The following PTPN14 variants were observed in gnomAD, a reference collection of about 807,000 sequenced individuals.
PTPN14 encodes the protein tyrosine-protein phosphatase non-receptor type 14.
A neutral mutation model predicts 126.8 loss-of-function variants in PTPN14; 53 were observed. That is an observed-to-expected ratio of 0.42 (90% CI 0.34 to 0.53). The LOEUF is 0.53. Among genes scored for constraint, PTPN14 ranks in the 20% least tolerant of loss-of-function variants. The probability of loss-of-function intolerance (pLI) is 0.08; values close to 1 mark genes in which losing one functional copy is unlikely to be tolerated. For missense variants in PTPN14, 1,257 were observed against 1,552.9 expected (o/e 0.81, Z 3.20); for synonymous variants, 630 against 599.3 (o/e 1.05, Z -0.75).
chr1:214,420,721 T>C (rs1173758315), intron 3 of PTPN14, among the ~76,000 whole-genome samples: 1 of 152,224 alleles, frequency 6.6e-6, no homozygotes, highest in African/African-American at 2.4e-5. Context: ...AAATACACCA[T>C]ACAGGGAGAG....
intron 1 of PTPN14, among the ~76,000 whole-genome samples, chr1:214,494,322 A>G (rs1348021959): frequency 6.6e-6 from 1 of 152,062 alleles, no homozygotes; most frequent in African/African-American, 2.4e-5. Flanking sequence ...TTGGCTTCCC[A>G]AAGTGCTGGG....
chr1:214,533,090 C>T, intron 1 of PTPN14: 3 of 734,874 alleles, frequency 4.1e-6, no homozygotes, highest in East Asian at 2.5e-5. Context: ...ACGGTCCAGT[C>T]CTTGGAGATC....
chr1:214,353,662 T>C lies in PTPN14; in HGVS notation c.*4260A>G, dbSNP rs1657751243. ...AGCAGCTAAAAACTCCAGAGTGATA[T>C]GCCTGATGGCCAATCCGGCTTAAGA... On this transcript the variant is annotated 3_prime_UTR_variant, in exon 19 of 19. Coordinates refer to ENST00000366956, the MANE Select transcript of PTPN14 (RefSeq NM_005401.5). 6.6e-6 allele frequency: 1 copy of C among 152,266 alleles called. No homozygotes were observed. The highest frequency in any genetic ancestry group is 1.5e-5 in the Non-Finnish European group (1 of 68,062). 9.4% of individuals were successfully genotyped at this position (152,266 alleles called of 1,614,324 possible).
chr1:214,500,559 T>G (rs17734456), intron 1 of PTPN14, among the ~76,000 whole-genome samples: 6,277 of 152,228 alleles, frequency 0.041, 196 homozygotes, highest in Middle Eastern at 0.12. Flanking sequence ...AGGCATCGGC[T>G]CACTGAGTGA....
At chr1:214,498,399 T>C (rs80032620) in intron 1 of PTPN14, among the ~76,000 whole-genome samples, 8,469 of 152,276 alleles carry the variant, frequency 0.056, 260 homozygotes, top group Middle Eastern at 0.13. Flanking sequence ...CAAGACTCAG[T>C]TGGATCTTAA....
At chr1:214,479,245 G>A (rs1453489175) in intron 1 of PTPN14, among the ~76,000 whole-genome samples, 1 of 152,120 alleles carries the variant, frequency 6.6e-6, no homozygotes, top group Non-Finnish European at 1.5e-5. Flanking sequence ...TACTCAGGAG[G>A]CTGAGGCAGG....
At chr1:214,458,551 A>G (rs1478418005) in intron 2 of PTPN14, among the ~76,000 whole-genome samples, 1 of 152,124 alleles carries the variant, frequency 6.6e-6, no homozygotes, top group Non-Finnish European at 1.5e-5. Context: ...TCCTCCCAAC[A>G]ATTTGTAGAG....
Position 214,398,010 on chromosome 1 carries a change from G to T in PTPN14, c.670-9C>A. On this transcript the variant is annotated splice_polypyrimidine_tract_variant and intron_variant, in intron 7 of 18. Coordinates refer to ENST00000366956, the MANE Select transcript of PTPN14 (RefSeq NM_005401.5). Reference sequence around the variant, plus strand: ...CAGTTTCCATGATTGTCCTGGGTAAGACCAACAAAAGATACTTGTGATGAC... The same window carrying T: ...CAGTTTCCATGATTGTCCTGGGTAATACCAACAAAAGATACTTGTGATGAC... The T allele has an allele frequency of 6.3e-7, 1 of 1,595,196 alleles. No individual in the cohort carries two copies. Among genetic ancestry groups the T allele is most frequent in the South Asian group, 1.1e-5 (1 of 90,062 alleles).
intron 1 of PTPN14, among the ~76,000 whole-genome samples, chr1:214,544,708 A>G (rs948429253): frequency 6.7e-6 from 1 of 150,150 alleles, no homozygotes; most frequent in African/African-American, 2.5e-5. Context: ...CCGAGATAGC[A>G]CCACTGCACT....
intron 1 of PTPN14, among the ~76,000 whole-genome samples, chr1:214,495,997 A>G (rs1169148340): frequency 6.6e-6 from 1 of 152,064 alleles, no homozygotes; most frequent in East Asian, 1.9e-4. Context: ...ACTCGGCCTC[A>G]TGTGTTATTT....
intron 3 of PTPN14, among the ~76,000 whole-genome samples, chr1:214,423,723 G>GTAAACCCAGCA (rs201660996): frequency 0.012 from 1,815 of 152,296 alleles, 42 homozygotes; most frequent in African/African-American, 0.041. Flanking sequence ...GCTCATGCCT[G>GTAAACCCAGCA]TAAACCCAGC....
intron 14 of PTPN14, 147 bp from the exon 15 acceptor site, chr1:214,376,584 T>C (rs1310298012): frequency 1.7e-5 from 12 of 693,756 alleles, no homozygotes; most frequent in Admixed American, 2.9e-5. Context: ...TTATCAACCA[T>C]ATTGATATTT....
intron 1 of PTPN14, among the ~76,000 whole-genome samples, chr1:214,544,989 G>C (rs76831887): frequency 6.6e-6 from 1 of 151,990 alleles, no homozygotes; most frequent in Non-Finnish European, 1.5e-5. Flanking sequence ...GCAGGAAGGG[G>C]TAAGACCACT....
chr1:214,413,210 T>A (rs777502986), intron 4 of PTPN14, among the ~76,000 whole-genome samples: 16 of 152,230 alleles, frequency 1.1e-4, no homozygotes, highest in Non-Finnish European at 2.2e-4. Context: ...AAAGACCCAA[T>A]TTGACAATGA....
intron 16 of PTPN14, chr1:214,372,302 C>G: frequency 8.0e-6 from 1 of 125,336 alleles, no homozygotes; most frequent in Non-Finnish European, 1.5e-5. Context: ...AGCTGGGTGC[C>G]TGGAGTTGGG....
chr1:214,504,190 C>A (rs922517398), intron 1 of PTPN14, among the ~76,000 whole-genome samples: 6 of 151,192 alleles, frequency 4.0e-5, no homozygotes, highest in African/African-American at 1.5e-4. Flanking sequence ...TCTCCGTTAG[C>A]CCTACCTCTG....
intron 5 of PTPN14, among the ~76,000 whole-genome samples, chr1:214,411,074 G>A (rs182011828): frequency 1.9e-4 from 29 of 152,232 alleles, no homozygotes; most frequent in African/African-American, 5.8e-4. Flanking sequence ...TCCAATCCAC[G>A]AAGATGGGGT....
At chr1:214,387,150 G>A (rs1171911518) in intron 11 of PTPN14, among the ~76,000 whole-genome samples, 6 of 152,232 alleles carry the variant, frequency 3.9e-5, no homozygotes, top group Non-Finnish European at 8.8e-5. Flanking sequence ...GTTGGTTCAA[G>A]ATCAGAAAGA....
intron 16 of PTPN14, among the ~76,000 whole-genome samples, chr1:214,370,040 G>C (rs1344624602): frequency 1.3e-5 from 2 of 152,190 alleles, no homozygotes; most frequent in African/African-American, 4.8e-5. Context: ...CAGCACTTTG[G>C]GAGGCCAAGG....
Sources: gnomAD v4.1 joint callset for allele counts (sites outside exome capture counted in the v4.1 genomes callset) on GRCh38, gnomAD v4.1.1 for gene constraint, MANE v1.5 for transcripts, NCBI Gene and HGNC (gene_info 2026-07-23, HGNC 2026-07-21) for gene names.